Variants in GPC6 observed in about 807,000 individuals in gnomAD.
The protein encoded by GPC6 is glypican 6.
In GPC6, 14 loss-of-function variants were observed where a neutral mutation model predicts 55.2. The observed-to-expected ratio is 0.25, with a 90% CI of 0.17 to 0.40. The LOEUF (loss-of-function observed/expected upper bound fraction) is 0.40. GPC6 is among the 10% of genes least tolerant of loss of function. The pLI is 1.00. For missense variants in GPC6, 641 were observed against 708.5 expected (o/e 0.90, Z 1.08); for synonymous variants, 278 against 259.6 (o/e 1.07, Z -0.68).
At chr13:94,154,632 G>C (rs1328973533) in intron 4 of GPC6, among the ~76,000 whole-genome samples, 1 of 152,086 alleles carries the variant, frequency 6.6e-6, no homozygotes, top group African/African-American at 2.4e-5. Context: ...TCCCAGCTTT[G>C]CTCATTTTAA....
intron 1 of GPC6, among the ~76,000 whole-genome samples, chr13:93,438,198 A>G (rs1214911231): frequency 6.6e-6 from 1 of 152,174 alleles, no homozygotes; most frequent in Non-Finnish European, 1.5e-5. Context: ...ATGGAGATGT[A>G]CAAGGAGATT....
At chr13:93,492,726 C>T (rs573813173) in intron 1 of GPC6, among the ~76,000 whole-genome samples, 1 of 151,162 alleles carries the variant, frequency 6.6e-6, no homozygotes, top group African/African-American at 2.4e-5. Flanking sequence ...GAGTTTTTAG[C>T]ATGAAGGGTT....
intron 4 of GPC6, among the ~76,000 whole-genome samples, chr13:94,261,134 C>T (rs746465741): frequency 2.6e-5 from 4 of 151,938 alleles, no homozygotes; most frequent in South Asian, 4.2e-4. Context: ...ATTAGCCAGG[C>T]GTGGTGGTGG....
intron 2 of GPC6, among the ~76,000 whole-genome samples, chr13:93,736,455 T>G (rs569326156): frequency 3.3e-5 from 5 of 152,332 alleles, no homozygotes; most frequent in African/African-American, 1.2e-4. Context: ...TTCTCTTTAA[T>G]GATAATGATG....
In GPC6 at chr13:93,977,467, GGTGTGTGTGTGTGTGTGTGTGTGT is replaced by G. The variant is rs4001797; in HGVS notation, c.712-50234_712-50211del. Among the ~76,000 whole-genome samples, 285 of 137,374 alleles carry G rather than the reference GGTGTGTGTGTGTGTGTGTGTGTGT, an allele frequency of 2.1e-3. 2 individuals carry two copies. Among genetic ancestry groups the G allele is most frequent in the Non-Finnish European group, 3.3e-3 (212 of 63,780 alleles). The allele number at this position is 137,374 out of a possible 152,430, so 90.1% of individuals were successfully genotyped here. ...TCTATGATTTGCCAAGATGACAAGG[GGTGTGTGTGTGTGTGTGTGTGTGT>G]GTGTGTGTGTGTGTGTGTGTGTGTG... is the stretch of plus-strand genomic sequence containing the variant. On this transcript the variant is annotated intron_variant, in intron 3 of 8. Transcript: ENST00000377047.
intron 4 of GPC6, among the ~76,000 whole-genome samples, chr13:94,272,113 T>C (rs7327575): frequency 0.019 from 2,954 of 152,192 alleles, 90 homozygotes; most frequent in African/African-American, 0.068. Flanking sequence ...AATACCAGTA[T>C]GCACAGAAGT....
At chr13:93,833,795 T>G (rs911562464) in intron 3 of GPC6, among the ~76,000 whole-genome samples, 2 of 152,172 alleles carry the variant, frequency 1.3e-5, no homozygotes, top group Non-Finnish European at 2.9e-5. Flanking sequence ...GAATTATTTT[T>G]AAAACTTCTG....
chr13:93,674,944 A>T (rs955750158), intron 2 of GPC6, among the ~76,000 whole-genome samples: 12 of 152,296 alleles, frequency 7.9e-5, no homozygotes, highest in African/African-American at 2.9e-4. Flanking sequence ...TAAAAAGAAA[A>T]GGTGTTGTTT....
intron 1 of GPC6, among the ~76,000 whole-genome samples, chr13:93,270,269 C>T (rs527848630): frequency 7.1e-6 from 1 of 140,606 alleles, no homozygotes; most frequent in African/African-American, 2.7e-5. Context: ...AAAAAAAAGG[C>T]CCCACATCAC....
intron 6 of GPC6, among the ~76,000 whole-genome samples, chr13:94,353,155 G>T (rs74103909): frequency 0.011 from 1,684 of 152,208 alleles, 22 homozygotes; most frequent in African/African-American, 0.038. Context: ...ACATGAGTTT[G>T]CCCCTGTGGG....
intron 1 of GPC6, among the ~76,000 whole-genome samples, chr13:93,501,393 A>G (rs757401971): frequency 6.6e-6 from 1 of 152,150 alleles, no homozygotes; most frequent in Non-Finnish European, 1.5e-5. Context: ...CCTTCTGTGA[A>G]GGAATCAGGG....
chr13:94,209,323 G>A (rs892047857), intron 4 of GPC6, among the ~76,000 whole-genome samples: 4 of 152,098 alleles, frequency 2.6e-5, no homozygotes, highest in Admixed American at 2.6e-4. Flanking sequence ...CATTATTTAG[G>A]CATGGTTTGT....
intron 2 of GPC6, among the ~76,000 whole-genome samples, chr13:93,805,564 GAAC>G (rs1886519955): frequency 6.6e-6 from 1 of 152,108 alleles, no homozygotes; most frequent in Non-Finnish European, 1.5e-5. Flanking sequence ...GTTACTACTT[GAAC>G]TATGTAATGC....
At chr13:93,469,745 C>T (rs1312526207) in intron 1 of GPC6, among the ~76,000 whole-genome samples, 5 of 152,002 alleles carry the variant, frequency 3.3e-5, no homozygotes, top group Admixed American at 2.6e-4. Context: ...ATCTGTGATC[C>T]ATTTTAAGTT....
At chr13:93,937,515 G>C (rs990583409) in intron 3 of GPC6, among the ~76,000 whole-genome samples, 1 of 152,166 alleles carries the variant, frequency 6.6e-6, no homozygotes, top group African/African-American at 2.4e-5. Context: ...ATTCAGAGAA[G>C]TTTACACCTA....
At chr13:94,269,403 C>A (rs1160645567) in intron 4 of GPC6, among the ~76,000 whole-genome samples, 1 of 152,144 alleles carries the variant, frequency 6.6e-6, no homozygotes, top group Non-Finnish European at 1.5e-5. Flanking sequence ...TCTTCCTATT[C>A]GTTCTTGAAA....
At chr13:93,559,755 C>G (rs920360549) in intron 2 of GPC6, among the ~76,000 whole-genome samples, 1 of 152,316 alleles carries the variant, frequency 6.6e-6, no homozygotes, top group African/African-American at 2.4e-5. Flanking sequence ...CAGCTAACAT[C>G]TCCATTTTTT....
chr13:93,771,243 A>C (rs9561440), intron 2 of GPC6, among the ~76,000 whole-genome samples: 12,962 of 152,198 alleles, frequency 0.085, 854 homozygotes, highest in East Asian at 0.3. Flanking sequence ...AACACAACCC[A>C]ACAAGGCCCA....
chr13:94,021,349 C>T (rs888689576), intron 3 of GPC6, among the ~76,000 whole-genome samples: 1 of 151,682 alleles, frequency 6.6e-6, no homozygotes, highest in Non-Finnish European at 1.5e-5. Flanking sequence ...ACATTGGCTA[C>T]TATTAGGAAT....
Sources: allele counts gnomAD v4.1 joint callset (sites outside exome capture counted in the v4.1 genomes callset), GRCh38; gene constraint gnomAD v4.1.1; transcripts MANE v1.5; gene names NCBI Gene and HGNC (gene_info 2026-07-23, HGNC 2026-07-21).